NCAM2: variants seen among roughly 807,000 people sequenced by gnomAD.
NCAM2 encodes neural cell adhesion molecule 2, also known as N-CAM-2.
NCAM2 carries 30 observed loss-of-function variants against 98.1 expected under a neutral mutation model. The ratio of observed to expected loss-of-function variants is 0.31; its 90% CI spans 0.23 to 0.41. The LOEUF is 0.41. Among genes scored for constraint, NCAM2 ranks in the 10% least tolerant of loss-of-function variants. The pLI, the probability that NCAM2 is intolerant of heterozygous loss-of-function variation, is 1.00. For synonymous variants in NCAM2, 368 were observed against 342.4 expected, an observed-to-expected ratio of 1.07 and a Z score of -0.83; for missense variants, 867 against 1,005.8, an observed-to-expected ratio of 0.86 and a Z score of 1.87.
intron 9 of NCAM2, among the ~76,000 whole-genome samples, chr21:21,392,585 T>C (rs1051627697): frequency 1.3e-5 from 2 of 152,152 alleles, no homozygotes; most frequent in African/African-American, 4.8e-5. Context: ...ACAGTGTTCC[T>C]TTTTCTCCAC....
At position 21,023,748 on chromosome 21, in the gene NCAM2, C is replaced by G. The variant is rs571063897; in HGVS notation, c.55+25130C>G. On this transcript the variant is annotated intron_variant, in intron 1 of 17. Coordinates refer to ENST00000400546, the MANE Select transcript of NCAM2 (RefSeq NM_004540.5). ...TTACTCATATATGCATACATGTATG[C>G]ATATTATAAATATGGATATATTTGT... 2.6e-5 allele frequency among the ~76,000 whole-genome samples: 4 copies of G among 152,028 alleles called. No individual in the cohort carries two copies. The South Asian group carries it at 8.3e-4, about 32-fold the overall frequency.
At chr21:21,125,599 A>T in intron 1 of NCAM2, among the ~76,000 whole-genome samples, 1 of 109,300 alleles carries the variant, frequency 9.1e-6, no homozygotes, top group African/African-American at 3.3e-5. Flanking sequence ...TATTTATTAA[A>T]TATATAAATA....
At chr21:21,147,397 C>CAAA in intron 1 of NCAM2, 3 of 530,854 alleles carry the variant, frequency 5.7e-6, no homozygotes, top group Non-Finnish European at 7.2e-6. Context: ...TCAGTCACTT[C>CAAA]ACTCTGATTT....
chr21:21,508,886 A>G lies in NCAM2; in HGVS notation c.2113A>G (p.Ile705Val), dbSNP rs1364044753. Residue 705 changes from isoleucine to valine, a missense_variant, in exon 16 of 18, where the codon ATT becomes GTT. Around this residue, in one of 5 missense-constraint regions of NCAM2, gnomAD observed 234 missense variants for 333.8 expected, o/e 0.70. Coordinates refer to ENST00000400546, the MANE Select transcript of NCAM2 (RefSeq NM_004540.5). ...LFNGLGLGAV[I>V]GLGVAALLLI... ...TAATGGTCTTGGGCTTGGAGCAGTA[A>G]TTGGCCTGGGAGTTGCTGCACTGCT... 3 of 1,472,436 alleles carry G rather than the reference A, an allele frequency of 2.0e-6. No individual in the cohort carries two copies. Among genetic ancestry groups the G allele is most frequent in the Non-Finnish European group, 2.7e-6 (3 of 1,096,942 alleles). The allele number at this position is 1,472,436 out of a possible 1,614,324, so 91.2% of individuals were successfully genotyped here.
Position 21,458,428 on chromosome 21 carries a change from T to G in NCAM2, c.1655-8178T>G, listed in dbSNP as rs183892026. On this transcript the variant is annotated intron_variant, in intron 12 of 17. Transcript: ENST00000400546. ...GAGCCGCTGGGCCCCAGCAGAGAAC[T>G]GGTGTAGGAGTGGGGCTCAGGCACT... Among the ~76,000 whole-genome samples the G allele has an allele frequency of 1.6e-3, 239 of 152,236 alleles. 1 individual carries two copies. Among genetic ancestry groups the G allele is most frequent in the Non-Finnish European group, 1.1e-3 (77 of 68,004 alleles).
chr21:21,014,347 C>G (rs1303902041), intron 1 of NCAM2, among the ~76,000 whole-genome samples: 1 of 151,292 alleles, frequency 6.6e-6, no homozygotes, highest in African/African-American at 2.4e-5. Context: ...TAGCTTGAAC[C>G]TGGGAGGCGG....
At chr21:21,170,286 C>T (rs1325345167) in intron 1 of NCAM2, among the ~76,000 whole-genome samples, 1 of 152,164 alleles carries the variant, frequency 6.6e-6, no homozygotes, top group Non-Finnish European at 1.5e-5. Context: ...CTTGTGGCTG[C>T]ACAAAAACCT....
At chr21:21,121,121 A>C (rs2066666584) in intron 1 of NCAM2, among the ~76,000 whole-genome samples, 1 of 152,168 alleles carries the variant, frequency 6.6e-6, no homozygotes, top group South Asian at 2.1e-4. Flanking sequence ...ATCATTATTT[A>C]TAGTATATTT....
At chr21:21,515,058 G>T (rs946367977) in intron 16 of NCAM2, among the ~76,000 whole-genome samples, 1 of 152,164 alleles carries the variant, frequency 6.6e-6, no homozygotes, top group Admixed American at 6.5e-5. Flanking sequence ...GTTACAATTT[G>T]TATTGGGAGT....
chr21:21,037,317 T>C (rs567502059), intron 1 of NCAM2, among the ~76,000 whole-genome samples: 1 of 152,330 alleles, frequency 6.6e-6, no homozygotes, highest in Admixed American at 6.5e-5. Flanking sequence ...CTTTCTTACA[T>C]ATGGAATGAT....
chr21:21,095,984 A>G (rs2066114517), intron 1 of NCAM2, among the ~76,000 whole-genome samples: 1 of 151,696 alleles, frequency 6.6e-6, no homozygotes, highest in Non-Finnish European at 1.5e-5. Context: ...TCAGATATGT[A>G]TCAAAAGTAA....
intron 1 of NCAM2, among the ~76,000 whole-genome samples, chr21:21,098,346 G>A (rs990653936): frequency 5.9e-5 from 9 of 151,752 alleles, no homozygotes; most frequent in African/African-American, 9.6e-5. Context: ...AACTGTAAAA[G>A]CCTATTAGAC....
intron 1 of NCAM2, among the ~76,000 whole-genome samples, chr21:21,207,946 G>A (rs1169028874): frequency 1.3e-5 from 2 of 152,148 alleles, no homozygotes; most frequent in Admixed American, 6.6e-5. Context: ...GAAACATTGA[G>A]TTAATTGTGC....
intron 6 of NCAM2, among the ~76,000 whole-genome samples, chr21:21,328,935 C>T (rs942131427): frequency 1.3e-5 from 2 of 151,652 alleles, no homozygotes; most frequent in Non-Finnish European, 2.9e-5. Context: ...TATATATGCC[C>T]TATATATGTA....
intron 1 of NCAM2, among the ~76,000 whole-genome samples, chr21:21,099,182 T>G (rs2066186907): frequency 6.6e-6 from 1 of 151,828 alleles, no homozygotes; most frequent in Non-Finnish European, 1.5e-5. Context: ...GGATCAATAA[T>G]CAGTTTTAGA....
intron 1 of NCAM2, among the ~76,000 whole-genome samples, chr21:21,220,455 C>A (rs118169835): frequency 6.6e-6 from 1 of 151,956 alleles, no homozygotes; most frequent in East Asian, 1.9e-4. Flanking sequence ...TACCACACAG[C>A]CTAGGTTTGT....
chr21:21,387,767 G>A (rs2076300362), intron 9 of NCAM2, among the ~76,000 whole-genome samples: 1 of 152,140 alleles, frequency 6.6e-6, no homozygotes, highest in Non-Finnish European at 1.5e-5. Context: ...TAGGATTTTA[G>A]TGTATAGAAT....
intron 13 of NCAM2, among the ~76,000 whole-genome samples, chr21:21,467,189 C>G (rs1273311726): frequency 6.6e-6 from 1 of 151,562 alleles, no homozygotes; most frequent in African/African-American, 2.4e-5. Context: ...GCAGGAGAAG[C>G]CTTGTTCTGA....
chr21:21,523,091 C>G (rs1602554911), intron 16 of NCAM2, among the ~76,000 whole-genome samples: 1 of 152,064 alleles, frequency 6.6e-6, no homozygotes, highest in Non-Finnish European at 1.5e-5. Context: ...GTTATTAATT[C>G]CTTGTTAATT....
Sources: gnomAD v4.1 joint callset for allele counts (sites outside exome capture counted in the v4.1 genomes callset) on GRCh38, gnomAD v4.1.1 for gene constraint, gnomAD v4.1.1 regional missense constraint, MANE v1.5 for transcripts, NCBI Gene and HGNC (gene_info 2026-07-23, HGNC 2026-07-21) for gene names.